The following ADGRL3 variants were observed in gnomAD, a reference collection of about 807,000 sequenced individuals.
ADGRL3 encodes adhesion G protein-coupled receptor L3, also known as calcium-independent alpha-latrotoxin receptor 3.
Under a neutral mutation model 153.5 loss-of-function variants are expected in ADGRL3, and 62 were observed. The ratio of observed to expected loss-of-function variants is 0.40; its 90% CI spans 0.33 to 0.50. The LOEUF is 0.50. Ranked by LOEUF, ADGRL3 falls within the 20% of genes least tolerant of loss-of-function variation. ADGRL3 has a pLI of 0.47. For synonymous variants in ADGRL3, 710 were observed against 672.5 expected (o/e 1.06, Z -0.86); for missense variants, 1,641 against 1,859.4 (o/e 0.88, Z 2.16).
At chr4:61,288,882 C>T (rs569947817) in intron 1 of ADGRL3, among the ~76,000 whole-genome samples, 6 of 152,052 alleles carry the variant, frequency 3.9e-5, no homozygotes, top group African/African-American at 1.4e-4. Context: ...TCAAATATTT[C>T]ATATAACAGA....
intron 1 of ADGRL3, among the ~76,000 whole-genome samples, chr4:61,291,661 AGAGT>A (rs1404603051): frequency 3.6e-5 from 4 of 112,216 alleles, no homozygotes; most frequent in Admixed American, 9.9e-5. Flanking sequence ...ATAGAGAGAA[AGAGT>A]GAGAGAGAGA....
chr4:61,493,663 T>C (rs1300124182), intron 2 of ADGRL3, among the ~76,000 whole-genome samples: 1 of 152,188 alleles, frequency 6.6e-6, no homozygotes, highest in African/African-American at 2.4e-5. Context: ...TTGTCCTCTC[T>C]TCTCTGCGTG....
rs1288715186 is a variant in ADGRL3, at chr4:61,366,211, C to T, written c.-239-16913C>T. Among the ~76,000 whole-genome samples the T allele has an allele frequency of 3.3e-5, 5 of 152,050 alleles. No homozygotes were observed. In the East Asian group the frequency reaches 9.6e-4, roughly 29 times the overall value. ...ATTCTCTTTCCAATATGTATACAGC[C>T]ACCAGAGCTGCTGAAAAGGTTCTAG... On this transcript the variant is annotated intron_variant, in intron 1 of 26. Coordinates refer to ENST00000683033, the MANE Select transcript of ADGRL3 (RefSeq NM_001387552.1).
At chr4:62,009,877 C>G (rs139081470) in intron 21 of ADGRL3, among the ~76,000 whole-genome samples, 94 of 152,204 alleles carry the variant, frequency 6.2e-4, no homozygotes, top group African/African-American at 2.1e-3. Context: ...TCCCCATGAC[C>G]ATCCCTCAAA....
At chr4:61,998,037 C>T (rs2099127817) in intron 20 of ADGRL3, 137 bp from the exon 21 acceptor site, 2 of 438,430 alleles carry the variant, frequency 4.6e-6, no homozygotes, top group Admixed American at 4.2e-5. Context: ...AAACACTAGG[C>T]AGTCATCTAC....
chr4:62,026,247 C>A (rs1718490743), intron 21 of ADGRL3, among the ~76,000 whole-genome samples: 1 of 152,082 alleles, frequency 6.6e-6, no homozygotes, highest in African/African-American at 2.4e-5. Context: ...ATTTCAGCTC[C>A]ACATAAATAA....
At chr4:61,589,546 TG>T (rs928498874) in intron 5 of ADGRL3, among the ~76,000 whole-genome samples, 4 of 152,094 alleles carry the variant, frequency 2.6e-5, no homozygotes, top group Non-Finnish European at 5.9e-5. Flanking sequence ...ATGGAAAACA[TG>T]TTTTTTTAAA....
intron 8 of ADGRL3, among the ~76,000 whole-genome samples, chr4:61,796,719 C>A (rs1001240420): frequency 1.3e-5 from 2 of 151,478 alleles, no homozygotes; most frequent in African/African-American, 2.4e-5. Context: ...TATTTGCTGT[C>A]GTTATAATTT....
At chr4:61,795,882 G>A (rs746179827) in intron 8 of ADGRL3, among the ~76,000 whole-genome samples, 26 of 152,024 alleles carry the variant, frequency 1.7e-4, no homozygotes, top group African/African-American at 3.9e-4. Context: ...TAGCTCTGTC[G>A]CCCAGGTTGG....
intron 1 of ADGRL3, among the ~76,000 whole-genome samples, chr4:61,295,899 A>G (rs954699869): frequency 6.6e-6 from 1 of 152,110 alleles, no homozygotes; most frequent in Non-Finnish European, 1.5e-5. Flanking sequence ...CTTGCGTCCA[A>G]GAGTGTGAGA....
At chr4:61,334,272 C>A (rs2095632904) in intron 1 of ADGRL3, among the ~76,000 whole-genome samples, 1 of 152,102 alleles carries the variant, frequency 6.6e-6, no homozygotes, top group Non-Finnish European at 1.5e-5. Flanking sequence ...TTTTTCTCCT[C>A]TATCCAAGGG....
At chr4:61,230,302 T>C (rs1306906768) in intron 1 of ADGRL3, among the ~76,000 whole-genome samples, 1 of 152,174 alleles carries the variant, frequency 6.6e-6, no homozygotes, top group Non-Finnish European at 1.5e-5. Context: ...CTTGAGTTCT[T>C]TTAGATTGTC....
At chr4:61,389,589 C>T (rs1560560653) in intron 2 of ADGRL3, among the ~76,000 whole-genome samples, 1 of 150,604 alleles carries the variant, frequency 6.6e-6, no homozygotes, top group African/African-American at 2.4e-5. Flanking sequence ...TTTTTTACCC[C>T]TTTTTTTTAT....
At chr4:61,647,799 A>T (rs568657349) in intron 5 of ADGRL3, among the ~76,000 whole-genome samples, 7 of 152,286 alleles carry the variant, frequency 4.6e-5, no homozygotes, top group African/African-American at 1.7e-4. Context: ...AATAGAAAAC[A>T]TGCATTTATT....
At chr4:61,461,555 A>G (rs2097819435) in intron 2 of ADGRL3, among the ~76,000 whole-genome samples, 1 of 152,206 alleles carries the variant, frequency 6.6e-6, no homozygotes, top group African/African-American at 2.4e-5. Context: ...AAATATTCTT[A>G]TACGCCAAAA....
intron 11 of ADGRL3, among the ~76,000 whole-genome samples, chr4:61,904,469 G>C (rs1390863938): frequency 6.6e-6 from 1 of 152,096 alleles, no homozygotes; most frequent in Non-Finnish European, 1.5e-5. Context: ...CTTTTGTATT[G>C]AGAATAATTA....
chr4:61,699,396 G>A (rs1034441177), intron 6 of ADGRL3, among the ~76,000 whole-genome samples: 9 of 151,940 alleles, frequency 5.9e-5, no homozygotes, highest in Non-Finnish European at 1.3e-4. Context: ...ACATTAATTG[G>A]CTGCTGTATG....
At chr4:62,006,972 T>G (rs1487004499) in intron 21 of ADGRL3, among the ~76,000 whole-genome samples, 1 of 151,962 alleles carries the variant, frequency 6.6e-6, no homozygotes, top group Non-Finnish European at 1.5e-5. Flanking sequence ...CTAGAGTTGG[T>G]TCAAAAGCTC....
intron 4 of ADGRL3, among the ~76,000 whole-genome samples, chr4:61,569,483 A>G (rs1324760619): frequency 6.6e-6 from 1 of 152,172 alleles, no homozygotes; most frequent in East Asian, 1.9e-4. Flanking sequence ...CCTGTAGTCC[A>G]GCTACTCAGG....
Sources: allele counts gnomAD v4.1 joint callset (sites outside exome capture counted in the v4.1 genomes callset), GRCh38; gene constraint gnomAD v4.1.1; transcripts MANE v1.5; gene names NCBI Gene and HGNC (gene_info 2026-07-23, HGNC 2026-07-21).